MACROD2: variants seen among roughly 807,000 people sequenced by gnomAD.
MACROD2 encodes the protein ADP-ribose glycohydrolase MACROD2.
Under a neutral mutation model 70.4 loss-of-function variants are expected in MACROD2, and 36 were observed. That is an observed-to-expected ratio of 0.51 (90% confidence interval 0.39 to 0.68). MACROD2 has a LOEUF of 0.68. MACROD2 is among the 30% of genes least tolerant of loss of function. MACROD2 has a pLI of 0.00. For missense variants in MACROD2, 496 were observed against 538.4 expected (o/e 0.92, Z 0.78); for synonymous variants, 172 against 178.8 (o/e 0.96, Z 0.30).
chr20:14,965,460 T>C (rs1157780354), intron 5 of MACROD2, among the ~76,000 whole-genome samples: 16 of 127,346 alleles, frequency 1.3e-4, no homozygotes, highest in South Asian at 2.9e-4. Flanking sequence ...TTTCTTTTTT[T>C]TTTTTTTTTT....
chr20:15,312,944 T>A (rs1354529931), intron 6 of MACROD2, among the ~76,000 whole-genome samples: 1 of 152,228 alleles, frequency 6.6e-6, no homozygotes, highest in Non-Finnish European at 1.5e-5. Context: ...ACTGATTTTC[T>A]CTAGTACATG....
At chr20:15,744,445 A>G (rs527351628) in intron 8 of MACROD2, among the ~76,000 whole-genome samples, 2 of 152,222 alleles carry the variant, frequency 1.3e-5, no homozygotes, top group Non-Finnish European at 2.9e-5. Context: ...AGCTTACTGC[A>G]TAAGTAAAGC....
chr20:15,162,466 G>A (rs1340968945), intron 5 of MACROD2, among the ~76,000 whole-genome samples: 1 of 152,054 alleles, frequency 6.6e-6, no homozygotes, highest in African/African-American at 2.4e-5. Flanking sequence ...AAAGAGAGAT[G>A]TCATAAAACC....
chr20:14,343,964 T>C (rs1229895988), intron 3 of MACROD2, among the ~76,000 whole-genome samples: 1 of 152,244 alleles, frequency 6.6e-6, no homozygotes, highest in African/African-American at 2.4e-5. Context: ...GTGCTAATTT[T>C]AGACACACAA....
intron 3 of MACROD2, among the ~76,000 whole-genome samples, chr20:14,390,851 A>C (rs1273205557): frequency 6.6e-6 from 1 of 152,226 alleles, no homozygotes; most frequent in Non-Finnish European, 1.5e-5. Context: ...ACATACATGC[A>C]ACCAACAATC....
intron 8 of MACROD2, among the ~76,000 whole-genome samples, chr20:15,581,678 T>A (rs1356202609): frequency 6.6e-6 from 1 of 152,152 alleles, no homozygotes; most frequent in Non-Finnish European, 1.5e-5. Context: ...AACTCTGGCC[T>A]CTGAGGAGGG....
intron 8 of MACROD2, among the ~76,000 whole-genome samples, chr20:15,538,981 A>C (rs1034943306): frequency 6.6e-6 from 1 of 152,148 alleles, no homozygotes; most frequent in African/African-American, 2.4e-5. Context: ...TAATATGTCT[A>C]TATCGCATAA....
At chr20:14,608,580 GATTACT>G (rs1459071536) in intron 4 of MACROD2, among the ~76,000 whole-genome samples, 1 of 152,076 alleles carries the variant, frequency 6.6e-6, no homozygotes, top group African/African-American at 2.4e-5. Flanking sequence ...GATACTTATT[GATTACT>G]GAGGATGTGC....
chr20:15,510,297 A>G (rs1161211945), intron 8 of MACROD2, among the ~76,000 whole-genome samples: 2 of 152,212 alleles, frequency 1.3e-5, no homozygotes, highest in Admixed American at 6.5e-5. Flanking sequence ...GGACATTCTA[A>G]CAACCATTTT....
chr20:15,197,353 T>C (rs966689716), intron 5 of MACROD2, among the ~76,000 whole-genome samples: 5 of 152,100 alleles, frequency 3.3e-5, no homozygotes, highest in African/African-American at 1.2e-4. Flanking sequence ...TTCATAGTTT[T>C]ATAGATTTTT....
intron 8 of MACROD2, among the ~76,000 whole-genome samples, chr20:15,817,643 T>C (rs2063891442): frequency 6.6e-6 from 1 of 152,192 alleles, no homozygotes; most frequent in Non-Finnish European, 1.5e-5. Flanking sequence ...GTTTCTTCTC[T>C]TAATCCCTGG....
rs1568841324 is a variant in MACROD2, at chr20:14,862,618, T to TATATATATAA, written c.418+177668_418+177669insAATATATATA. On this transcript the variant is annotated intron_variant, in intron 5 of 17. Coordinates refer to ENST00000684519, the MANE Select transcript of MACROD2 (RefSeq NM_001351661.2). Reference sequence around the variant, plus strand: ...ATATATAAATATAAATATATATAAATATATATATATAAATATATATATAAA... The same window carrying TATATATATAA: ...ATATATAAATATAAATATATATAAATATATATATAAATATATATATAAATATATATATAAA... Among the ~76,000 whole-genome samples the TATATATATAA allele has an allele frequency of 2.0e-3, 31 of 15,236 alleles. 4 individuals carry two copies. Among genetic ancestry groups the TATATATATAA allele is most frequent in the African/African-American group, 5.8e-3 (28 of 4,814 alleles). The allele number at this position is 15,236 out of a possible 152,430, so 10.0% of individuals were successfully genotyped here. A position where few individuals can be genotyped will look rare whatever the true frequency, so the allele number is the denominator to read the frequency against.
At chr20:15,290,597 G>A (rs1441790287) in intron 6 of MACROD2, among the ~76,000 whole-genome samples, 1 of 152,126 alleles carries the variant, frequency 6.6e-6, no homozygotes, top group Non-Finnish European at 1.5e-5. Flanking sequence ...CTTCTTTTGA[G>A]CCATTAAAAT....
chr20:15,137,152 G>A (rs1393383254), intron 5 of MACROD2, among the ~76,000 whole-genome samples: 8 of 146,978 alleles, frequency 5.4e-5, no homozygotes, highest in South Asian at 2.2e-4. Context: ...TCAGTGTGGC[G>A]ATTCCTCAGG....
chr20:15,695,598 T>A (rs6043451), intron 8 of MACROD2, among the ~76,000 whole-genome samples: 40,965 of 151,668 alleles, frequency 0.27, 7,138 homozygotes, highest in African/African-American at 0.5. Flanking sequence ...TTTAGTAGAG[T>A]TGGGGTTTCA....
chr20:15,442,104 A>C (rs6079824), intron 7 of MACROD2, among the ~76,000 whole-genome samples: 3 of 152,018 alleles, frequency 2.0e-5, no homozygotes, highest in African/African-American at 7.2e-5. Context: ...CTCCTTGTAC[A>C]TACTTGTGTC....
intron 9 of MACROD2, among the ~76,000 whole-genome samples, chr20:15,883,695 T>G (rs2064786747): frequency 6.6e-6 from 1 of 152,156 alleles, no homozygotes; most frequent in South Asian, 2.1e-4. Context: ...GAGAAAGTTG[T>G]AAATCTTCAC....
At chr20:14,957,698 C>G (rs1174119933) in intron 5 of MACROD2, among the ~76,000 whole-genome samples, 1 of 152,122 alleles carries the variant, frequency 6.6e-6, no homozygotes, top group Non-Finnish European at 1.5e-5. Flanking sequence ...TTTGCCATGT[C>G]TCTACTGTGG....
chr20:15,590,263 A>G (rs2048659546), intron 8 of MACROD2, among the ~76,000 whole-genome samples: 1 of 152,120 alleles, frequency 6.6e-6, no homozygotes, highest in Non-Finnish European at 1.5e-5. Flanking sequence ...ATAGGTGTTG[A>G]CTTGTTTAAT....
Sources: allele counts gnomAD v4.1 joint callset (sites outside exome capture counted in the v4.1 genomes callset), GRCh38; gene constraint gnomAD v4.1.1; transcripts MANE v1.5; gene names NCBI Gene and HGNC (gene_info 2026-07-23, HGNC 2026-07-21).